CORO2B: variants seen among roughly 807,000 people sequenced by gnomAD.
CORO2B encodes the protein coronin 2B, also known as coronin-2B.
Under a neutral mutation model 58.8 loss-of-function variants are expected in CORO2B, and 26 were observed. That is an observed-to-expected ratio of 0.44 (90% CI 0.32 to 0.61). CORO2B has a LOEUF of 0.61. CORO2B is among the 20% of genes least tolerant of loss of function. The pLI is 0.04. For synonymous variants in CORO2B, 242 were observed against 253.8 expected, an observed-to-expected ratio of 0.95 and a Z score of 0.44; for missense variants, 460 against 645.1, an observed-to-expected ratio of 0.71 and a Z score of 3.11.
intron 1 of CORO2B, among the ~76,000 whole-genome samples, chr15:68,642,186 G>A (rs922361010): frequency 1.3e-5 from 2 of 152,062 alleles, no homozygotes; most frequent in Non-Finnish European, 2.9e-5. Context: ...ACAGGTGCCT[G>A]CCACCATGCC....
At position 68,718,774 on chromosome 15, in the gene CORO2B, C is replaced by A; in HGVS notation, c.1044C>A (p.Gly348=). The change falls in exon 9 of 12, where the codon GGC becomes GGA. Residue 348 remains glycine (G), a synonymous_variant. Transcript: ENST00000261861. ...FRFYKLVTLK[G]LIEPISMIVP... Reference sequence around the variant, plus strand: ...TCTACAAGCTGGTGACTCTCAAGGGCCTGATCGAGCCCATCTCCATGATCG... The same window carrying A: ...TCTACAAGCTGGTGACTCTCAAGGGACTGATCGAGCCCATCTCCATGATCG... The A allele has an allele frequency of 1.2e-6, 2 of 1,614,134 alleles. No individual in the cohort carries two copies. The highest frequency in any genetic ancestry group is 2.2e-5 in the South Asian group (2 of 91,076).
chr15:68,674,106 G>T (rs1022930329), intron 2 of CORO2B, among the ~76,000 whole-genome samples: 1 of 152,194 alleles, frequency 6.6e-6, no homozygotes, highest in Non-Finnish European at 1.5e-5. Flanking sequence ...GTGTGTCTCG[G>T]GTCCTGGTCG....
At chr15:68,566,561 C>T in the CORO2B span, among the ~76,000 whole-genome samples, 1 of 152,300 alleles carries the variant, frequency 6.6e-6, no homozygotes, top group Middle Eastern at 3.4e-3. Flanking sequence ...ACCCGGCGGA[C>T]TCTTCATGGT....
intron 3 of CORO2B, among the ~76,000 whole-genome samples, chr15:68,696,536 T>A (rs1425482315): frequency 8.2e-5 from 10 of 122,198 alleles, no homozygotes; most frequent in Non-Finnish European, 1.1e-4. Flanking sequence ...CCAGGCTGGG[T>A]GACAGAGCAA....
the CORO2B span, among the ~76,000 whole-genome samples, chr15:68,552,675 C>A: frequency 6.6e-6 from 1 of 152,136 alleles, no homozygotes; most frequent in Non-Finnish European, 1.5e-5. Context: ...TGATGAAGAC[C>A]TTTCCTCCCT....
chr15:68,596,966 T>G (rs1056359364), intron 1 of CORO2B, among the ~76,000 whole-genome samples: 2 of 152,202 alleles, frequency 1.3e-5, no homozygotes, highest in African/African-American at 4.8e-5. Flanking sequence ...AAACTGGGTC[T>G]TGTCCTCCTG....
In CORO2B at chr15:68,682,306, G is replaced by A. The variant is rs576168403; in HGVS notation, c.217-12834G>A. Among the ~76,000 whole-genome samples, 30 of 152,312 alleles carry A rather than the reference G, an allele frequency of 2.0e-4. No individual in the cohort carries two copies. The South Asian group carries it at 5.4e-3, about 27-fold the overall frequency. ...TGGAGTTCGAGAAGAGACCAGCACC[G>A]TGGAGACCAATTAGAAGACTGGAGT... On this transcript the variant is annotated intron_variant, in intron 2 of 11. Coordinates refer to ENST00000261861, the MANE Select transcript of CORO2B (RefSeq NM_006091.5).
At chr15:68,718,408 G>A (rs1434798624) in intron 8 of CORO2B, among the ~76,000 whole-genome samples, 1 of 152,118 alleles carries the variant, frequency 6.6e-6, no homozygotes. Flanking sequence ...ATCTAGAAAA[G>A]GAGTGGGCTA....
chr15:68,568,143 C>T, the CORO2B span, among the ~76,000 whole-genome samples: 1 of 152,218 alleles, frequency 6.6e-6, no homozygotes, highest in African/African-American at 2.4e-5. Flanking sequence ...CTGGGAGACA[C>T]AGGGATAAAG....
At chr15:68,579,410 T>A in intron 1 of CORO2B, 133 bp downstream of exon 1, 1 of 911,640 alleles carries the variant, frequency 1.1e-6, no homozygotes, top group Non-Finnish European at 1.4e-6. Flanking sequence ...GCGCCTCTCT[T>A]GCTGCCGGAT....
At chr15:68,525,876 C>T in the CORO2B span, among the ~76,000 whole-genome samples, 3 of 152,296 alleles carry the variant, frequency 2.0e-5, no homozygotes, top group Admixed American at 1.3e-4. Flanking sequence ...TAAAACACTT[C>T]TTCTGCCCAA....
At chr15:68,644,283 T>A (rs1187602711) in intron 1 of CORO2B, among the ~76,000 whole-genome samples, 1 of 152,136 alleles carries the variant, frequency 6.6e-6, no homozygotes, top group East Asian at 1.9e-4. Flanking sequence ...GACTCTCCAG[T>A]TGTGATGGAA....
chr15:68,684,798 G>A (rs756844385), intron 2 of CORO2B, among the ~76,000 whole-genome samples: 28 of 152,190 alleles, frequency 1.8e-4, no homozygotes, highest in Non-Finnish European at 2.6e-4. Context: ...TGTGAGTTGG[G>A]GGCAAAGCCT....
the CORO2B span, among the ~76,000 whole-genome samples, chr15:68,543,561 G>A: frequency 6.6e-6 from 1 of 152,062 alleles, no homozygotes; most frequent in Admixed American, 6.5e-5. Context: ...GGTCTTGTGA[G>A]AATAACTAAA....
rs1192260415 is a variant in CORO2B at position 68,691,327 on chromosome 15, C to CAAAAAAAAAAAAAAAA, written c.217-3812_217-3797dup. ...CCTGGGAGACAGCGAGACTCCGTCT[C>CAAAAAAAAAAAAAAAA]AAAAAAAAAAAAAAAAGGCCGGGCG... On this transcript the variant is annotated intron_variant, in intron 2 of 11. Transcript: ENST00000261861. 7.3e-4 allele frequency among the ~76,000 whole-genome samples: 7 copies of CAAAAAAAAAAAAAAAA among 9,542 alleles called. 1 individual carries two copies. The highest frequency in any genetic ancestry group is 1.9e-3 in the Non-Finnish European group (6 of 3,140). 6.3% of individuals were successfully genotyped at this position (9,542 alleles called of 152,430 possible).
intron 2 of CORO2B, among the ~76,000 whole-genome samples, chr15:68,659,573 T>A (rs1025881345): frequency 6.6e-6 from 1 of 151,992 alleles, no homozygotes; most frequent in African/African-American, 2.4e-5. Flanking sequence ...ATTAAATTTT[T>A]AAAAAGAAAA....
At chr15:68,565,107 AAGAT>A in the CORO2B span, among the ~76,000 whole-genome samples, 18 of 152,214 alleles carry the variant, frequency 1.2e-4, no homozygotes, top group East Asian at 1.9e-4. Flanking sequence ...ATTATGAGCA[AAGAT>A]AGATAGACAA....
chr15:68,702,692 C>T (rs1892680618), intron 3 of CORO2B, among the ~76,000 whole-genome samples: 2 of 152,108 alleles, frequency 1.3e-5, no homozygotes, highest in Admixed American at 6.5e-5. Context: ...AGTTACTGTG[C>T]TCTTGGACCC....
chr15:68,573,692 G>A, the CORO2B span, among the ~76,000 whole-genome samples: 9 of 152,296 alleles, frequency 5.9e-5, no homozygotes, highest in Non-Finnish European at 8.8e-5. Flanking sequence ...GGAGAGACCC[G>A]AAGCTGACTG....
Sources: allele counts gnomAD v4.1 joint callset (sites outside exome capture counted in the v4.1 genomes callset), GRCh38; gene constraint gnomAD v4.1.1; transcripts MANE v1.5; gene names NCBI Gene and HGNC (gene_info 2026-07-23, HGNC 2026-07-21).